AGXT: variants seen among roughly 807,000 people sequenced by gnomAD.
AGXT encodes the protein alanine--glyoxylate aminotransferase, also known as L-alanine: glyoxylate aminotransferase 1.
In AGXT, 41 loss-of-function variants were observed where a neutral mutation model predicts 46.9. The observed-to-expected ratio is 0.88, with a 90% CI of 0.68 to 1.14. The LOEUF is 1.14. AGXT is among the 50% of genes most tolerant of loss of function. AGXT has a pLI of 0.00. For synonymous variants in AGXT, 244 were observed against 227.9 expected (o/e 1.07, Z -0.64); for missense variants, 525 against 522.7 (o/e 1.00, Z -0.04).
Position 240,874,054 on chromosome 2 carries a change from CAAGG to C in AGXT, c.673_676del (p.Lys225ProfsTer47), listed in dbSNP as rs1057516896. ...GGACCTCGCTCATCTCCTTCAGTGA[CAAGG>C]CCAAGTGAGTGACCCACAGACCCTC... On this transcript the variant is annotated frameshift_variant, in exon 6 of 11. Coordinates refer to ENST00000307503, the MANE Select transcript of AGXT (RefSeq NM_000030.3). LOFTEE classifies it high-confidence loss of function. The C allele has an allele frequency of 2.5e-6, 4 of 1,613,574 alleles. No homozygotes were observed. The highest frequency in any genetic ancestry group is 2.5e-6 in the Non-Finnish European group (3 of 1,179,948).
rs1442751123 is a variant in AGXT at position 240,869,297 on chromosome 2, A to G, written c.293A>G (p.Asp98Gly). 6.2e-7 allele frequency: 1 copy of G among 1,611,846 alleles called. No homozygotes were observed. The highest frequency in any genetic ancestry group is 1.7e-5 in the Admixed American group (1 of 59,918). ...AALVNVLEPG[D>G]SFLVGANGIW... ...CTGGTCAATGTGCTGGAGCCTGGGGACTCCTTCCTGGTTGGGGCCAATGGC... is the reference window on the plus strand; with the variant it reads ...CTGGTCAATGTGCTGGAGCCTGGGGGCTCCTTCCTGGTTGGGGCCAATGGC... The change falls in exon 2 of 11, where the codon GAC (aspartate) becomes GGC (glycine). Residue 98 changes from aspartate to glycine, a missense_variant. Transcript: ENST00000307503.
chr2:240,871,069 C>T (rs2058988063), intron 3 of AGXT: 1 of 584,942 alleles, frequency 1.7e-6, no homozygotes, highest in Admixed American at 3.0e-5. Flanking sequence ...TCAGCCTACC[C>T]GGAGTGTGGG....
chr2:240,875,807 C>T (rs2059021598), intron 7 of AGXT, 128 bp from the exon 8 acceptor site: 1 of 1,041,770 alleles, frequency 9.6e-7, no homozygotes, highest in South Asian at 1.4e-5. Context: ...GGACAGGACT[C>T]CTCTGCGGAG....
rs369821955 is a variant in AGXT at position 240,877,621 on chromosome 2, G to C, written c.931G>C (p.Val311Leu). Residue 311 changes from valine to leucine, a missense_variant, in exon 9 of 11, where the codon GTG becomes CTG. Transcript: ENST00000307503. Reference sequence around the variant, plus strand: ...GCAGGCACTGGGGCTGCAGCTCTTCGTGAAGGACCCGGTAAGGAGGCCCCT... The same window carrying C: ...GCAGGCACTGGGGCTGCAGCTCTTCCTGAAGGACCCGGTAAGGAGGCCCCT... ...RLQALGLQLFVKDPALRLPTV... is the reference protein window; with the variant it reads ...RLQALGLQLFLKDPALRLPTV... 1.3e-6 allele frequency: 2 copies of C among 1,550,918 alleles called. No individual in the cohort carries two copies. The highest frequency in any genetic ancestry group is 1.4e-5 in the African/African-American group (1 of 73,236).
At chr2:240,877,426 T>C in intron 8 of AGXT, 111 bp from the exon 9 acceptor site, 1 of 1,064,500 alleles carries the variant, frequency 9.4e-7, no homozygotes, top group African/African-American at 1.6e-5. Context: ...CTCCAGGGGC[T>C]CCCCTGCACC....
intron 1 of AGXT, 22 bp from the exon 2 acceptor site, chr2:240,869,148 A>T: frequency 6.2e-7 from 1 of 1,613,214 alleles, no homozygotes; most frequent in Non-Finnish European, 8.5e-7. Flanking sequence ...CCTGGGTCTC[A>T]CCCTATACCA....
chr2:240,877,886 T>C lies in AGXT; in HGVS notation c.943-136T>C, dbSNP rs2106431924. ...ATCCACCGCCTCCTAAGGGGTGGGG[T>C]CCCTGCTCTCTCCCGGCCCTTTCTC... On this transcript the variant is annotated intron_variant, in intron 9 of 10. Transcript: ENST00000307503. 6.4e-6 allele frequency: 8 copies of C among 1,259,666 alleles called. No individual in the cohort carries two copies. In the South Asian group the frequency reaches 6.8e-5, roughly 11 times the overall value. The allele number at this position is 1,259,666 out of a possible 1,614,324, so 78.0% of individuals were successfully genotyped here. A position where few individuals can be genotyped will look rare whatever the true frequency, so the allele number is the denominator to read the frequency against.
At chr2:240,871,667 C>T (rs564788107) in intron 4 of AGXT, among the ~76,000 whole-genome samples, 7 of 152,314 alleles carry the variant, frequency 4.6e-5, no homozygotes, top group Non-Finnish European at 8.8e-5. Flanking sequence ...CCTGGCCGAG[C>T]GCCCCCATAG....
In AGXT at chr2:240,878,745, C is replaced by T; in HGVS notation, c.1103C>T (p.Ala368Val). ...CGGATCGGCCTGCTGGGCTGCAATG[C>T]CACCCGCGAGAATGTGGACCGCGTG... ...VLRIGLLGCNATRENVDRVTE... is the reference protein window; with the variant it reads ...VLRIGLLGCNVTRENVDRVTE... The change falls in exon 11 of 11, where the codon GCC becomes GTC. Residue 368 changes from alanine to valine, a missense_variant. By Grantham distance (64) the Ala-to-Val change is moderately conservative. Coordinates refer to ENST00000307503, the MANE Select transcript of AGXT (RefSeq NM_000030.3). 6.3e-7 allele frequency: 1 copy of T among 1,580,002 alleles called. No homozygotes were observed. Among genetic ancestry groups the T allele is most frequent in the Non-Finnish European group, 8.6e-7 (1 of 1,167,020 alleles).
At chr2:240,869,080 C>A in intron 1 of AGXT, 50 bp downstream of exon 1, 1 of 1,611,460 alleles carries the variant, frequency 6.2e-7, no homozygotes, top group Non-Finnish European at 8.5e-7. Flanking sequence ...ATGTTCCCAC[C>A]CACAGATCGT....
At chr2:240,875,797 G>T (rs928354585) in intron 7 of AGXT, 138 bp from the exon 8 acceptor site, 2 of 960,430 alleles carry the variant, frequency 2.1e-6, no homozygotes, top group South Asian at 1.4e-5. Flanking sequence ...TTCTGAACCC[G>T]GACAGGACTC....
At chr2:240,873,155 G>A (rs935453435) in intron 5 of AGXT, 106 bp downstream of exon 5, 30 of 980,392 alleles carry the variant, frequency 3.1e-5, no homozygotes, top group Admixed American at 1.7e-4. Context: ...CTGCGGATTC[G>A]GCCCCATCTC....
At chr2:240,877,297 G>T in intron 8 of AGXT, 1 of 679,070 alleles carries the variant, frequency 1.5e-6, no homozygotes. Flanking sequence ...TCCCCCAGGG[G>T]CCACAGGCAG....
In AGXT at chr2:240,871,526, C is replaced by G; in HGVS notation, c.524+77C>G. 11 of 1,338,432 alleles carry G rather than the reference C, an allele frequency of 8.2e-6. No homozygotes were observed. In the South Asian group the frequency reaches 1.4e-4, roughly 17 times the overall value. 82.9% of individuals were successfully genotyped at this position (1,338,432 alleles called of 1,614,324 possible). The stretch of plus-strand genomic sequence containing the variant: ...TGGGGAGGGGTGGGCACTGGTCCCT[C>G]TGGTCCTTCTGCCCCTGGTCCCCAC... On this transcript the variant is annotated intron_variant, in intron 4 of 10. Transcript: ENST00000307503.
chr2:240,875,268 C>T, intron 7 of AGXT, 64 bp downstream of exon 7: 1 of 1,348,736 alleles, frequency 7.4e-7, no homozygotes, highest in South Asian at 1.2e-5. Flanking sequence ...GGGGCGCTGG[C>T]CTCTCACTGC....
chr2:240,876,583 G>A (rs1482395117), intron 8 of AGXT, among the ~76,000 whole-genome samples: 2 of 152,232 alleles, frequency 1.3e-5, no homozygotes, highest in African/African-American at 4.8e-5. Flanking sequence ...TCTGGGTCCT[G>A]TGTCCCACAG....
intron 6 of AGXT, among the ~76,000 whole-genome samples, 180 bp downstream of exon 6, chr2:240,874,242 G>A (rs756990545): frequency 2.6e-5 from 4 of 152,230 alleles, no homozygotes; most frequent in Non-Finnish European, 4.4e-5. Context: ...GAGTGGGGAG[G>A]CCGGGCGAGG....
At chr2:240,871,179 G>A in intron 3 of AGXT, 170 bp from the exon 4 acceptor site, 1 of 662,068 alleles carries the variant, frequency 1.5e-6, no homozygotes, top group Non-Finnish European at 2.7e-6. Flanking sequence ...AAAAGCCCTT[G>A]TCCCGGAGCG....
chr2:240,872,012 AC>A (rs2058993404), intron 4 of AGXT, among the ~76,000 whole-genome samples: 2 of 152,380 alleles, frequency 1.3e-5, no homozygotes, highest in Admixed American at 6.5e-5. Context: ...TGCTGCATGG[AC>A]CGTGGCCATG....
Sources: gnomAD v4.1 joint callset for allele counts (sites outside exome capture counted in the v4.1 genomes callset) on GRCh38, gnomAD v4.1.1 for gene constraint, MANE v1.5 for transcripts, NCBI Gene and HGNC (gene_info 2026-07-23, HGNC 2026-07-21) for gene names.